Variants in ATAD2 observed in about 807,000 individuals in gnomAD.
ATAD2 encodes the protein ATPase family AAA domain-containing protein 2.
ATAD2 carries 62 observed loss-of-function variants against 168.9 expected under a neutral mutation model. The observed-to-expected ratio is 0.37, with a 90% CI of 0.30 to 0.45. The LOEUF is 0.45. Ranked by LOEUF, ATAD2 falls within the 20% of genes least tolerant of loss-of-function variation. ATAD2 has a pLI of 1.00. For missense variants in ATAD2, 1,419 were observed against 1,667.8 expected, an observed-to-expected ratio of 0.85 and a Z score of 2.60; for synonymous variants, 613 against 571.6, an observed-to-expected ratio of 1.07 and a Z score of -1.03.
At chr8:123,324,732 G>A (rs1586852423) in intron 26 of ATAD2, among the ~76,000 whole-genome samples, 2 of 152,222 alleles carry the variant, frequency 1.3e-5, no homozygotes, top group African/African-American at 4.8e-5. Context: ...ATGGCAAGAA[G>A]AATTCAATTT....
chr8:123,360,738 A>G (rs188632517), intron 9 of ATAD2, among the ~76,000 whole-genome samples: 3 of 152,180 alleles, frequency 2.0e-5, no homozygotes, highest in Admixed American at 2.0e-4. Context: ...AAAGAATCCA[A>G]GCACCTAAGC....
chr8:123,384,700 G>A (rs972769107), intron 1 of ATAD2, among the ~76,000 whole-genome samples: 2 of 152,222 alleles, frequency 1.3e-5, no homozygotes, highest in Non-Finnish European at 2.9e-5. Context: ...AACTAATTGG[G>A]TGGGTAAGGG....
Position 123,377,091 on chromosome 8 carries a change from CAAAAA to C in ATAD2, c.320+3433_320+3437del, listed in dbSNP as rs58655606. 2.8e-3 allele frequency among the ~76,000 whole-genome samples: 76 copies of C among 27,258 alleles called. 2 individuals are homozygous for C. Among genetic ancestry groups the C allele is most frequent in the South Asian group, 0.01 (3 of 300 alleles). 17.9% of individuals were successfully genotyped at this position (27,258 alleles called of 152,430 possible). ...GGGCAAAAAGAGTGAGACTCCGTCT[CAAAAA>C]AAAAAAAAAAAAAAAAGAGCCAGGT... On this transcript the variant is annotated intron_variant, in intron 2 of 27. Transcript: ENST00000287394.
chr8:123,348,306 T>A (rs1245082150), intron 14 of ATAD2, 33 bp from the exon 15 acceptor site: 72 of 1,368,482 alleles, frequency 5.3e-5, no homozygotes, highest in Non-Finnish European at 7.3e-5. Context: ...TTTTTACAAC[T>A]ATAATAATAA....
Position 123,323,081 on chromosome 8 carries a change from G to T in ATAD2, c.4003-15C>A. On this transcript the variant is annotated splice_polypyrimidine_tract_variant and intron_variant, in intron 26 of 27. Transcript: ENST00000287394. Reference sequence around the variant, plus strand: ...TTCAAAAGATTCTAAAAGAAAATATGAGTGTCAATATGTGTGAGAGAGAAA... The same window carrying T: ...TTCAAAAGATTCTAAAAGAAAATATTAGTGTCAATATGTGTGAGAGAGAAA... The T allele has an allele frequency of 6.2e-7, 1 of 1,604,112 alleles. No individual in the cohort carries two copies. The highest frequency in any genetic ancestry group is 1.1e-5 in the South Asian group (1 of 89,938).
chr8:123,384,050 C>T (rs1829574219), intron 1 of ATAD2, among the ~76,000 whole-genome samples: 1 of 146,852 alleles, frequency 6.8e-6, no homozygotes, highest in South Asian at 2.1e-4. Context: ...CACTGCACTG[C>T]AGCCTGGTGA....
chr8:123,355,583 T>C (rs2131352992), intron 13 of ATAD2, among the ~76,000 whole-genome samples: 1 of 152,318 alleles, frequency 6.6e-6, no homozygotes, highest in Admixed American at 6.5e-5. Flanking sequence ...CTAGTAGTAA[T>C]GCCCTAAGTT....
intron 2 of ATAD2, among the ~76,000 whole-genome samples, chr8:123,372,932 G>A (rs1016577515): frequency 1.4e-4 from 20 of 146,460 alleles, no homozygotes; most frequent in Non-Finnish European, 1.0e-4. Flanking sequence ...TTGCTCTGTC[G>A]CCCAGGCTGG....
intron 1 of ATAD2, among the ~76,000 whole-genome samples, chr8:123,384,110 A>T (rs1829577930): frequency 6.6e-6 from 1 of 151,910 alleles, no homozygotes; most frequent in African/African-American, 2.4e-5. Context: ...AAAGAAAAAA[A>T]CTGAATGACT....
intron 1 of ATAD2, among the ~76,000 whole-genome samples, chr8:123,407,834 C>T (rs865789193): frequency 5.7e-4 from 84 of 146,406 alleles, no homozygotes; most frequent in African/African-American, 1.5e-3. Context: ...GCTTGGGTGA[C>T]GGAGTGAGAC....
intron 1 of ATAD2, among the ~76,000 whole-genome samples, chr8:123,386,465 A>G (rs533864611): frequency 2.5e-4 from 38 of 152,322 alleles, no homozygotes; most frequent in African/African-American, 8.9e-4. Context: ...GAACAGTCAC[A>G]TTCAGAGACA....
intron 18 of ATAD2, 98 bp from the exon 19 acceptor site, chr8:123,345,167 A>G: frequency 9.3e-7 from 1 of 1,079,136 alleles, no homozygotes; most frequent in East Asian, 2.6e-5. Context: ...CAGGAGTAAC[A>G]TATAAAGTCC....
At chr8:123,389,006 G>A (rs1280188929) in intron 1 of ATAD2, among the ~76,000 whole-genome samples, 1 of 148,350 alleles carries the variant, frequency 6.7e-6, no homozygotes, top group Non-Finnish European at 1.5e-5. Context: ...TCGCCCTGTC[G>A]CCCACGCTGA....
chr8:123,353,277 T>C (rs954844137), intron 13 of ATAD2, among the ~76,000 whole-genome samples: 4 of 151,854 alleles, frequency 2.6e-5, no homozygotes, highest in African/African-American at 7.3e-5. Context: ...GGCACGAGAA[T>C]AGCTTGAACC....
rs555197488 is a variant in ATAD2, at chr8:123,392,994, C to G, written c.171+3193G>C. 2.6e-3 allele frequency among the ~76,000 whole-genome samples: 394 copies of G among 152,156 alleles called. 3 individuals carry two copies. Among genetic ancestry groups the G allele is most frequent in the Non-Finnish European group, 4.6e-3 (313 of 68,000 alleles). On this transcript the variant is annotated intron_variant, in intron 1 of 27. Transcript: ENST00000287394. ...AGTCAGGAGATCGAGACCACCCTGGCCAACACGGTGAAACCTTGTCTCTAC... is the reference window on the plus strand; with the variant it reads ...AGTCAGGAGATCGAGACCACCCTGGGCAACACGGTGAAACCTTGTCTCTAC...
rs139364713 is a variant in ATAD2, at chr8:123,369,753, AGAG to A, written c.931+65_931+67del. On this transcript the variant is annotated intron_variant, in intron 7 of 27. Transcript: ENST00000287394. The stretch of plus-strand genomic sequence containing the variant: ...AAAATACCAAAAAGACAAGAATAAC[AGAG>A]AAGAAACAGGAAATATAAAGCTAAT... 334 of 1,327,168 alleles carry A rather than the reference AGAG, an allele frequency of 2.5e-4. 3 individuals carry two copies. The East Asian group carries it at 6.7e-3, about 27-fold the overall frequency. The allele number at this position is 1,327,168 out of a possible 1,614,324, so 82.2% of individuals were successfully genotyped here. A position where few individuals can be genotyped will look rare whatever the true frequency, so the allele number is the denominator to read the frequency against.
intron 2 of ATAD2, among the ~76,000 whole-genome samples, chr8:123,375,990 C>T (rs968431729): frequency 2.0e-5 from 3 of 152,084 alleles, no homozygotes; most frequent in Non-Finnish European, 4.4e-5. Context: ...CCTGTAATCC[C>T]AGCTACTCGG....
Position 123,356,466 on chromosome 8 carries a change from C to T in ATAD2, c.1569G>A (p.Met523Ile). The T allele has an allele frequency of 6.2e-7, 1 of 1,612,108 alleles. No individual in the cohort carries two copies. Among genetic ancestry groups the T allele is most frequent in the Non-Finnish European group, 8.5e-7 (1 of 1,178,858 alleles). Residue 523 changes from methionine (M) to isoleucine (I), a missense_variant, in exon 13 of 28, where the codon ATG becomes ATA. Physicochemically the swap from Met to Ile is conservative, Grantham distance 10. Around this residue, in one of 5 missense-constraint regions of ATAD2, gnomAD observed 545 missense variants for 724.9 expected, o/e 0.75. Transcript: ENST00000287394. ...LRLLFDQAYQ[M>I]RPSIIFFDEI... ...CGTCAAAAAAAATAATTGATGGGCG[C>T]ATCTGATAGGCCTAGAAAGTAGGTG...
At chr8:123,330,990 T>G (rs931338697) in intron 24 of ATAD2, among the ~76,000 whole-genome samples, 9 of 152,178 alleles carry the variant, frequency 5.9e-5, no homozygotes, top group South Asian at 4.1e-4. Context: ...TGGCACGATC[T>G]TGGCTCACTG....
Sources: gnomAD v4.1 joint callset for allele counts (sites outside exome capture counted in the v4.1 genomes callset) on GRCh38, gnomAD v4.1.1 for gene constraint, gnomAD v4.1.1 regional missense constraint, MANE v1.5 for transcripts, NCBI Gene and HGNC (gene_info 2026-07-23, HGNC 2026-07-21) for gene names.